Variants in ZSCAN20 observed in about 807,000 individuals in gnomAD.
ZSCAN20 encodes the protein zinc finger and SCAN domain containing 20, also known as zinc finger and SCAN domain-containing protein 20.
In ZSCAN20, 39 loss-of-function variants were observed where a neutral mutation model predicts 97.1. The ratio of observed to expected loss-of-function variants is 0.40; its 90% CI spans 0.31 to 0.52. ZSCAN20 has a LOEUF of 0.52. Ranked by LOEUF, ZSCAN20 falls within the 20% of genes least tolerant of loss-of-function variation. The pLI is 0.49. For missense variants in ZSCAN20, 1,115 were observed against 1,290.4 expected (o/e 0.86, Z 2.08); for synonymous variants, 456 against 467.3 (o/e 0.98, Z 0.31).
chr1:33,479,101 G>A (rs987384753), intron 1 of ZSCAN20, 78 bp from the exon 2 acceptor site: 13 of 593,660 alleles, frequency 2.2e-5, no homozygotes, highest in African/African-American at 7.5e-5. Context: ...CAAAGGTGGC[G>A]GAAGATATGG....
At position 33,494,613 on chromosome 1, in the gene ZSCAN20, C is replaced by T; in HGVS notation, c.2269C>T (p.Gln757Ter). 1 of 1,614,000 alleles carries T rather than the reference C, an allele frequency of 6.2e-7. No individual in the cohort carries two copies. The highest frequency in any genetic ancestry group is 8.5e-7 in the Non-Finnish European group (1 of 1,179,880). ...TGACCGCTCTAACCTCAATACCCAT[C>T]AGAGAATCCACACTGGAGAGAAGCC... ...FSDRSNLNTHQRIHTGEKPYK... is the reference protein window; with the variant it reads ...FSDRSNLNTH The change falls in exon 8 of 8, where the codon CAG becomes TAG. Residue 757 changes from glutamine (Q) to a stop codon, truncating the protein, a stop_gained. Transcript: ENST00000684572. LOFTEE classifies it high-confidence loss of function.
At chr1:33,490,904 A>G in intron 5 of ZSCAN20, 121 bp from the exon 6 acceptor site, 1 of 888,070 alleles carries the variant, frequency 1.1e-6, no homozygotes, top group Non-Finnish European at 1.7e-6. Flanking sequence ...ATTTTATGGG[A>G]TCAACTTGGG....
In ZSCAN20 at chr1:33,491,830, T is replaced by A; in HGVS notation, c.1444+128T>A. On this transcript the variant is annotated intron_variant, in intron 6 of 7. Transcript: ENST00000684572. The surrounding 1 kb of genome is among the most constrained non-coding windows in gnomAD (Gnocchi z 4.3). The stretch of plus-strand genomic sequence containing the variant: ...CCACTAGAGTGAAGAGCTACATTCC[T>A]TAGGTCATCCTCAAACTCCAACTTT... 1 of 915,256 alleles carries A rather than the reference T, an allele frequency of 1.1e-6. No individual in the cohort carries two copies. Among genetic ancestry groups the A allele is most frequent in the South Asian group, 2.6e-5 (1 of 38,434 alleles). 56.7% of individuals were successfully genotyped at this position (915,256 alleles called of 1,614,324 possible).
chr1:33,494,443 A>G lies in ZSCAN20; in HGVS notation c.2099A>G (p.His700Arg), dbSNP rs1170242802. 3.1e-6 allele frequency: 5 copies of G among 1,613,636 alleles called. No individual in the cohort carries two copies. Among genetic ancestry groups the G allele is most frequent in the Non-Finnish European group, 4.2e-6 (5 of 1,179,772 alleles). The change falls in exon 8 of 8, where the codon CAT becomes CGT. Residue 700 changes from histidine to arginine, a missense_variant. Physicochemically the swap from His to Arg is conservative, Grantham distance 29. Transcript: ENST00000684572. Reference sequence around the variant, plus strand: ...GAGGACTTAGAAAAACTTATTGACCATCAAGGCCTGTACCTTGCAGAGAAA... The same window carrying G: ...GAGGACTTAGAAAAACTTATTGACCGTCAAGGCCTGTACCTTGCAGAGAAA... ...SEEDLEKLIDHQGLYLAEKPY... is the reference protein window; with the variant it reads ...SEEDLEKLIDRQGLYLAEKPY...
chr1:33,489,297 G>T, intron 4 of ZSCAN20, 106 bp downstream of exon 4: 1 of 1,249,360 alleles, frequency 8.0e-7, no homozygotes, highest in Non-Finnish European at 1.1e-6. Flanking sequence ...AAAAGGGCAT[G>T]AGGCCCAGGG....
At chr1:33,490,744 G>T (rs1171911100) in intron 5 of ZSCAN20, among the ~76,000 whole-genome samples, 1 of 151,646 alleles carries the variant, frequency 6.6e-6, no homozygotes, top group African/African-American at 2.4e-5. Flanking sequence ...TAGGCCATGT[G>T]CCCATCTGTG....
chr1:33,494,452 T>C lies in ZSCAN20; in HGVS notation c.2108T>C (p.Leu703Pro). 2 of 1,614,154 alleles carry C rather than the reference T, an allele frequency of 1.2e-6. No individual in the cohort carries two copies. The highest frequency in any genetic ancestry group is 1.7e-6 in the Non-Finnish European group (2 of 1,179,976). Residue 703 changes from leucine (L) to proline (P), a missense_variant, in exon 8 of 8, where the codon CTG becomes CCG. Physicochemically the swap from Leu to Pro is moderately conservative, Grantham distance 98. This residue lies in a region of ZSCAN20 where 554 missense variants were observed against 584.9 expected (regional missense o/e 0.95). Coordinates refer to ENST00000684572, the MANE Select transcript of ZSCAN20 (RefSeq NM_001377376.1). ...DLEKLIDHQG[L>P]YLAEKPYKCD... ...GAAAAACTTATTGACCATCAAGGCC[T>C]GTACCTTGCAGAGAAACCCTACAAG...
rs1375204633 is a variant in ZSCAN20, at chr1:33,500,244, C to T, written c.*4768C>T. Among the ~76,000 whole-genome samples the T allele has an allele frequency of 6.6e-6, 1 of 152,118 alleles. No homozygotes were observed. The highest frequency in any genetic ancestry group is 2.4e-5 in the African/African-American group (1 of 41,424). On this transcript the variant is annotated 3_prime_UTR_variant, in exon 8 of 8. Coordinates refer to ENST00000684572, the MANE Select transcript of ZSCAN20 (RefSeq NM_001377376.1). ...TTCCTTCCTTACCTTATTGTTGCTT[C>T]CCCCACCCCATGCTGCAGCTGAGTG... is the stretch of plus-strand genomic sequence containing the variant.
At chr1:33,475,770 CT>C (rs1172762122) in intron 1 of ZSCAN20, among the ~76,000 whole-genome samples, 3 of 152,112 alleles carry the variant, frequency 2.0e-5, no homozygotes, top group Non-Finnish European at 1.5e-5. Flanking sequence ...AGCAATTCTC[CT>C]GCCTCAGCCT....
chr1:33,479,111 G>T, intron 1 of ZSCAN20, 68 bp from the exon 2 acceptor site: 1 of 632,808 alleles, frequency 1.6e-6, no homozygotes, highest in East Asian at 2.9e-5. Context: ...GGAAGATATG[G>T]GGGAAGGGGG....
intron 3 of ZSCAN20, 75 bp from the exon 4 acceptor site, chr1:33,489,040 G>T: frequency 7.7e-7 from 1 of 1,300,330 alleles, no homozygotes; most frequent in Non-Finnish European, 1.1e-6. Flanking sequence ...TGTTACTTTT[G>T]GAAAGCCAAT....
intron 4 of ZSCAN20, 102 bp downstream of exon 4, chr1:33,489,293 G>A: frequency 7.8e-7 from 1 of 1,281,980 alleles, no homozygotes; most frequent in Non-Finnish European, 1.1e-6. Context: ...CAGCAAAAGG[G>A]CATGAGGCCC....
chr1:33,488,542 G>C lies in ZSCAN20; in HGVS notation c.495G>C (p.Val165=), dbSNP rs1198630851. 1 of 1,614,156 alleles carries C rather than the reference G, an allele frequency of 6.2e-7. No individual in the cohort carries two copies. Residue 165 remains valine, a synonymous_variant, in exon 3 of 8, where the codon GTG becomes GTC. Coordinates refer to ENST00000684572, the MANE Select transcript of ZSCAN20 (RefSeq NM_001377376.1). Reference sequence around the variant, plus strand: ...CTCAGAGCTTCCAGCTGCAGCCAGTGGATCCCTGGCCTGAGGGACAGTCCC... The same window carrying C: ...CTCAGAGCTTCCAGCTGCAGCCAGTCGATCCCTGGCCTGAGGGACAGTCCC... ...EEAQSFQLQP[V]DPWPEGQSQK... is the part of the protein sequence containing the mutation.
At chr1:33,479,818 T>C (rs983212315) in intron 2 of ZSCAN20, 113 bp downstream of exon 2, 3 of 1,121,100 alleles carry the variant, frequency 2.7e-6, no homozygotes, top group Non-Finnish European at 3.7e-6. Context: ...TATTGAGAAC[T>C]GACACTTATT....
rs1481090168 is a variant in ZSCAN20 at position 33,497,783 on chromosome 1, C to T, written c.*2307C>T. Among the ~76,000 whole-genome samples the T allele has an allele frequency of 6.6e-6, 1 of 152,050 alleles. No homozygotes were observed. The highest frequency in any genetic ancestry group is 6.6e-5 in the Admixed American group (1 of 15,260). On this transcript the variant is annotated 3_prime_UTR_variant, in exon 8 of 8. Coordinates refer to ENST00000684572, the MANE Select transcript of ZSCAN20 (RefSeq NM_001377376.1). ...GGACATCAGAGGAAAGCTAGAATGC[C>T]TTTGGTGACTGGGTAGAGCATGTCC...
chr1:33,487,938 C>T (rs1652434370), intron 2 of ZSCAN20, among the ~76,000 whole-genome samples: 1 of 152,134 alleles, frequency 6.6e-6, no homozygotes, highest in South Asian at 2.1e-4. Context: ...AGGCATGAGC[C>T]ACTGCACCCA....
At position 33,488,512 on chromosome 1, in the gene ZSCAN20, A is replaced by G; in HGVS notation, c.465A>G (p.Glu155=). The G allele has an allele frequency of 1.9e-6, 3 of 1,614,196 alleles. No individual in the cohort carries two copies. The highest frequency in any genetic ancestry group is 4.5e-5 in the East Asian group (2 of 44,888). ...TEETRPLKTG[E]EAQSFQLQPV... ...AGACCAGGCCCTTAAAGACAGGGGA[A>G]GAAGCTCAGAGCTTCCAGCTGCAGC... The change falls in exon 3 of 8, where the codon GAA becomes GAG. Residue 155 remains glutamate, a synonymous_variant. Coordinates refer to ENST00000684572, the MANE Select transcript of ZSCAN20 (RefSeq NM_001377376.1).
In ZSCAN20 at chr1:33,501,515, T is replaced by C. The variant is rs1029955484; in HGVS notation, c.*6039T>C. 9.9e-5 allele frequency among the ~76,000 whole-genome samples: 15 copies of C among 150,814 alleles called. No homozygotes were observed. Among genetic ancestry groups the C allele is most frequent in the Non-Finnish European group, 2.2e-4 (15 of 67,920 alleles). Reference sequence around the variant, plus strand: ...TGGCTTCATTTTATTTGGCTTTGCTTTCACTTCCCCATTTTCTGTTATTTT... The same window carrying C: ...TGGCTTCATTTTATTTGGCTTTGCTCTCACTTCCCCATTTTCTGTTATTTT... On this transcript the variant is annotated 3_prime_UTR_variant, in exon 8 of 8. Coordinates refer to ENST00000684572, the MANE Select transcript of ZSCAN20 (RefSeq NM_001377376.1).
chr1:33,479,463 T>TA lies in ZSCAN20; in HGVS notation c.176dup (p.Tyr59Ter), dbSNP rs764536352. 1 of 1,614,176 alleles carries TA rather than the reference T, an allele frequency of 6.2e-7. No individual in the cohort carries two copies. The highest frequency in any genetic ancestry group is 8.5e-7 in the Non-Finnish European group (1 of 1,180,002). The change falls in exon 2 of 8, where the codon TAC becomes TAAC. Residue 59 changes from tyrosine to a stop codon, truncating the protein, a stop_gained and frameshift_variant. Coordinates refer to ENST00000684572, the MANE Select transcript of ZSCAN20 (RefSeq NM_001377376.1). LOFTEE classifies it high-confidence loss of function. ...CCGCCAGCGCTTCAGGCAATTCCAA[T>TA]ACAGGGATGCAGCTGGACCCCACGA... is the stretch of plus-strand genomic sequence containing the variant. ...ASRQRFRQFQYRDAAGPHEAF... is the reference protein window; with the variant it reads ...ASRQRFRQFQ
Sources: allele counts gnomAD v4.1 joint callset (sites outside exome capture counted in the v4.1 genomes callset), GRCh38; gene constraint gnomAD v4.1.1; regional missense constraint gnomAD v4.1.1; non-coding constraint Gnocchi (gnomAD v3.1); transcripts MANE v1.5; gene names NCBI Gene and HGNC (gene_info 2026-07-23, HGNC 2026-07-21).